Variants in SPMAP2L observed in about 807,000 individuals in gnomAD.
SPMAP2L encodes the protein sperm microtubule associated protein 2-like.
At chr4:56,549,489 C>T in the SPMAP2L span, among the ~76,000 whole-genome samples, 3,424 of 151,804 alleles carry the variant, frequency 0.023, 125 homozygotes, top group African/African-American at 0.073. Flanking sequence ...AAGAAAGTAC[C>T]CTTTATGAAA....
chr4:56,538,993 G>A, the SPMAP2L span, among the ~76,000 whole-genome samples: 3 of 152,172 alleles, frequency 2.0e-5, no homozygotes, highest in East Asian at 1.9e-4. Context: ...GCACATCCCC[G>A]TGCCTCTACT....
chr4:56,531,231 C>T, the SPMAP2L span: 1 of 1,471,518 alleles, frequency 6.8e-7, no homozygotes. Flanking sequence ...TCCCCACGCG[C>T]TGAGCACCCA....
the SPMAP2L span, among the ~76,000 whole-genome samples, chr4:56,601,555 T>C: frequency 1.3e-5 from 2 of 152,094 alleles, no homozygotes; most frequent in African/African-American, 2.4e-5. Flanking sequence ...GCCCAGGAGT[T>C]TGACATCAGC....
the SPMAP2L span, among the ~76,000 whole-genome samples, chr4:56,598,873 G>C: frequency 2.6e-5 from 4 of 152,042 alleles, no homozygotes; most frequent in African/African-American, 9.7e-5. Flanking sequence ...TGACTCATGG[G>C]GGTGGTTTCC....
the SPMAP2L span, among the ~76,000 whole-genome samples, chr4:56,608,554 G>A: frequency 2.6e-5 from 4 of 152,322 alleles, no homozygotes; most frequent in South Asian, 8.3e-4. Flanking sequence ...CAGGGCATCT[G>A]TGGGACCTTG....
chr4:56,549,919 T>G, the SPMAP2L span, among the ~76,000 whole-genome samples: 260 of 152,244 alleles, frequency 1.7e-3, 1 homozygote, highest in African/African-American at 6.0e-3. Context: ...TCCAAATAGT[T>G]CTAGTACCAA....
chr4:56,619,344 A>T, the SPMAP2L span, among the ~76,000 whole-genome samples: 1 of 152,192 alleles, frequency 6.6e-6, no homozygotes, highest in Non-Finnish European at 1.5e-5. Context: ...TCTAGAGCTT[A>T]TTCATCTGGC....
At chr4:56,538,780 G>T in the SPMAP2L span, among the ~76,000 whole-genome samples, 5 of 152,186 alleles carry the variant, frequency 3.3e-5, no homozygotes, top group Non-Finnish European at 7.3e-5. Context: ...TCCAGCCTGG[G>T]CAACAGAGCA....
the SPMAP2L span, among the ~76,000 whole-genome samples, chr4:56,611,613 T>G: frequency 6.6e-6 from 1 of 152,090 alleles, no homozygotes; most frequent in Non-Finnish European, 1.5e-5. Context: ...AGAGTCAGAA[T>G]ACACAAATGA....
At chr4:56,581,612 C>A in the SPMAP2L span, among the ~76,000 whole-genome samples, 6 of 150,924 alleles carry the variant, frequency 4.0e-5, no homozygotes. Flanking sequence ...AGAACGAGAC[C>A]CTGTCTAAAA....
chr4:56,536,891 G>A, the SPMAP2L span, among the ~76,000 whole-genome samples: 14 of 152,108 alleles, frequency 9.2e-5, no homozygotes, highest in Non-Finnish European at 5.9e-5. Flanking sequence ...AGCCTCCAGA[G>A]TAGCTGGGAT....
the SPMAP2L span, among the ~76,000 whole-genome samples, chr4:56,607,995 G>GAAAAAAAAAAAAAA: frequency 4.2e-5 from 3 of 72,276 alleles, no homozygotes; most frequent in Non-Finnish European, 6.4e-5. Context: ...CCTGTCTCAA[G>GAAAAAAAAAAAAAA]AAAAAAAAAA....
the SPMAP2L span, among the ~76,000 whole-genome samples, chr4:56,543,927 T>A: frequency 3.5e-5 from 3 of 85,550 alleles, no homozygotes; most frequent in African/African-American, 1.5e-4. Context: ...TGTGTGTGTA[T>A]GTGAGAGAGA....
At chr4:56,567,893 C>T in the SPMAP2L span, among the ~76,000 whole-genome samples, 5 of 151,926 alleles carry the variant, frequency 3.3e-5, no homozygotes, top group Non-Finnish European at 7.4e-5. Context: ...CAATTTTCAT[C>T]TAATTTGGAA....
the SPMAP2L span, among the ~76,000 whole-genome samples, chr4:56,592,773 G>A: frequency 1.2e-4 from 19 of 152,022 alleles, no homozygotes; most frequent in Non-Finnish European, 2.5e-4. Context: ...GACAGCAGCA[G>A]TGCCGGCGGG....
At chr4:56,539,712 G>A in the SPMAP2L span, among the ~76,000 whole-genome samples, 957 of 152,206 alleles carry the variant, frequency 6.3e-3, 14 homozygotes, top group South Asian at 0.037. Context: ...GTGAGCCACC[G>A]TGCCTGCCTT....
At chr4:56,625,135 G>T in the SPMAP2L span, among the ~76,000 whole-genome samples, 1 of 152,168 alleles carries the variant, frequency 6.6e-6, no homozygotes, top group Admixed American at 6.5e-5. Flanking sequence ...GATCATTTAG[G>T]ATCTTTAAAA....
chr4:56,593,624 C>T, the SPMAP2L span: 2 of 1,603,542 alleles, frequency 1.2e-6, no homozygotes, highest in South Asian at 2.2e-5. Context: ...ATTTGGAGTG[C>T]CACTGGGCTA....
At chr4:56,592,616 G>T in the SPMAP2L span, among the ~76,000 whole-genome samples, 4 of 152,178 alleles carry the variant, frequency 2.6e-5, no homozygotes, top group South Asian at 4.1e-4. Flanking sequence ...CGAGAGCGCG[G>T]CTGACCCTTG....
Sources: allele counts gnomAD v4.1 joint callset (sites outside exome capture counted in the v4.1 genomes callset), GRCh38; gene constraint gnomAD v4.1.1; transcripts MANE v1.5; gene names NCBI Gene and HGNC (gene_info 2026-07-23, HGNC 2026-07-21).